Variants in CCP110 observed in about 807,000 individuals in gnomAD.
The protein encoded by CCP110 is centriolar coiled-coil protein of 110 kDa.
In CCP110, 43 loss-of-function variants were observed where a neutral mutation model predicts 105.5. The ratio of observed to expected loss-of-function variants is 0.41; its 90% CI spans 0.32 to 0.53. CCP110 has a LOEUF of 0.53. CCP110 is among the 20% of genes least tolerant of loss of function. CCP110 has a pLI of 0.32. For synonymous variants in CCP110, 353 were observed against 392.1 expected, an observed-to-expected ratio of 0.90 and a Z score of 1.18; for missense variants, 1,016 against 1,189.1, an observed-to-expected ratio of 0.85 and a Z score of 2.14.
At chr16:19,536,001 A>G (rs1253026018) in exon 4 of CCP110, 2 of 1,613,912 alleles carry the variant, frequency 1.2e-6, no homozygotes, top group African/African-American at 2.7e-5. Context: ...GTTTACTCTA[A>G]TTCAGAAGTC....
chr16:19,545,868 C>T (rs1275740399), exon 11 of CCP110: 2 of 1,604,704 alleles, frequency 1.2e-6, no homozygotes, highest in African/African-American at 1.3e-5. Flanking sequence ...ACAGAAGTCT[C>T]TTGATAGGAA....
chr16:19,533,007 T>A (rs999075904), intron 3 of CCP110, among the ~76,000 whole-genome samples: 4 of 152,256 alleles, frequency 2.6e-5, no homozygotes, highest in African/African-American at 9.6e-5. Context: ...TTTAGATGCA[T>A]CCTATGTCTA....
chr16:19,548,047 C>T lies in CCP110; in HGVS notation c.2900+33C>T, dbSNP rs1373861783. Reference sequence around the variant, plus strand: ...TGCCACACACGGGTATTGAAAACTACGGAAACCAAGATTAGATTTGAGAGG... The same window carrying T: ...TGCCACACACGGGTATTGAAAACTATGGAAACCAAGATTAGATTTGAGAGG... On this transcript the variant is annotated intron_variant, in intron 13 of 14. Transcript: ENST00000381396. This position sits in a 1 kb window ranked among gnomAD's most constrained non-coding sequence, Gnocchi z 4.1. The T allele has an allele frequency of 2.4e-5, 34 of 1,421,132 alleles. No homozygotes were observed. The highest frequency in any genetic ancestry group is 3.0e-5 in the Non-Finnish European group (30 of 1,007,426). The allele number at this position is 1,421,132 out of a possible 1,614,324, so 88.0% of individuals were successfully genotyped here.
exon 7 of CCP110, chr16:19,542,649 C>T (rs774226202): frequency 1.9e-6 from 3 of 1,612,426 alleles, no homozygotes; most frequent in East Asian, 4.5e-5. Flanking sequence ...TGCAATATAG[C>T]TTTGTTTCTG....
intron 10 of CCP110, among the ~76,000 whole-genome samples, chr16:19,545,595 C>T (rs1970432761): frequency 6.6e-6 from 1 of 151,988 alleles, no homozygotes; most frequent in Admixed American, 6.6e-5. Flanking sequence ...AATCAGTTAT[C>T]TTAGTGTGAT....
chr16:19,542,150 G>A, intron 6 of CCP110, 86 bp downstream of exon 6: 1 of 894,530 alleles, frequency 1.1e-6, no homozygotes, highest in Non-Finnish European at 1.7e-6. Flanking sequence ...TATATCTCCT[G>A]TTTTCAAATG....
chr16:19,551,177 G>T lies in CCP110; in HGVS notation c.2987-19G>T. Reference sequence around the variant, plus strand: ...AAACCTCCCATTGAGAAGTAATACTGGTTTTGCTCTATTTTTAGGAGTATA... The same window carrying T: ...AAACCTCCCATTGAGAAGTAATACTTGTTTTGCTCTATTTTTAGGAGTATA... On this transcript the variant is annotated intron_variant, in intron 14 of 14. Coordinates refer to ENST00000381396, the Ensembl canonical transcript of CCP110. 6.5e-7 allele frequency: 1 copy of T among 1,546,388 alleles called. No individual in the cohort carries two copies. Among genetic ancestry groups the T allele is most frequent in the South Asian group, 1.1e-5 (1 of 89,686 alleles).
chr16:19,538,923 C>A (rs1405277281), intron 4 of CCP110, among the ~76,000 whole-genome samples: 1 of 151,840 alleles, frequency 6.6e-6, no homozygotes, highest in Non-Finnish European at 1.5e-5. Flanking sequence ...ACCAAACTGA[C>A]AAACATGGCG....
chr16:19,531,315 G>A (rs966076463), intron 2 of CCP110, among the ~76,000 whole-genome samples: 1 of 152,132 alleles, frequency 6.6e-6, no homozygotes, highest in Non-Finnish European at 1.5e-5. Flanking sequence ...TATTTGATAG[G>A]TGAATATTGC....
chr16:19,527,088 G>A (rs1969698743), intron 1 of CCP110: 1 of 152,134 alleles, frequency 6.6e-6, no homozygotes, highest in Non-Finnish European at 1.5e-5. Context: ...CAATTTCCCA[G>A]AAACTGTGAA....
chr16:19,547,671 G>A (rs1033250788), intron 12 of CCP110: 15 of 251,246 alleles, frequency 6.0e-5, no homozygotes, highest in Non-Finnish European at 9.0e-5. Flanking sequence ...GTTAGCTTTT[G>A]TAAAGCATAT....
chr16:19,537,133 G>C (rs1307602098), exon 4 of CCP110: 4 of 1,614,094 alleles, frequency 2.5e-6, no homozygotes, highest in Non-Finnish European at 3.4e-6. Flanking sequence ...CATCCGATGA[G>C]AGAGGCGCAC....
intron 3 of CCP110, among the ~76,000 whole-genome samples, chr16:19,533,583 C>T (rs1969948959): frequency 6.6e-6 from 1 of 152,160 alleles, no homozygotes; most frequent in Admixed American, 6.5e-5. Flanking sequence ...GAGGAACAGT[C>T]AGTTATGCAT....
At chr16:19,527,213 T>G (rs1400328897) in intron 1 of CCP110, 2 of 152,158 alleles carry the variant, frequency 1.3e-5, no homozygotes, top group African/African-American at 4.8e-5. Context: ...AGTTGGCTGG[T>G]GCTCATGCAG....
intron 8 of CCP110, 121 bp from the exon 9 acceptor site, chr16:19,544,676 C>G: frequency 1.6e-6 from 1 of 633,054 alleles, no homozygotes; most frequent in South Asian, 2.0e-5. Context: ...TGGAACCAGT[C>G]CCCCACAGAT....
At chr16:19,527,443 T>A (rs1374985467) in intron 1 of CCP110, among the ~76,000 whole-genome samples, 1 of 152,214 alleles carries the variant, frequency 6.6e-6, no homozygotes, top group Non-Finnish European at 1.5e-5. Context: ...TTCTTTGATT[T>A]AAGTAGGCTT....
chr16:19,541,296 TATA>T (rs1443638069), intron 5 of CCP110, among the ~76,000 whole-genome samples: 4 of 151,242 alleles, frequency 2.6e-5, no homozygotes. Context: ...CGACACTTGT[TATA>T]ATATTATTAT....
chr16:19,546,541 G>C, intron 12 of CCP110, 67 bp downstream of exon 12: 1 of 919,558 alleles, frequency 1.1e-6, no homozygotes, highest in Admixed American at 2.0e-5. Context: ...AATTGGCTGG[G>C]CACGGTGGCT....
chr16:19,548,314 T>TC lies in CCP110; in HGVS notation c.2901-199dup. On this transcript the variant is annotated intron_variant, in intron 13 of 14. Transcript: ENST00000381396. This position sits in a 1 kb window ranked among gnomAD's most constrained non-coding sequence, Gnocchi z 4.1. ...AAATTCAGCATCACCGAAGTGATTCTCCAACAGAGTATGACTCGTGCTTAT... is the reference window on the plus strand; with the variant it reads ...AAATTCAGCATCACCGAAGTGATTCTCCCAACAGAGTATGACTCGTGCTTAT... 1.7e-6 allele frequency: 1 copy of TC among 582,002 alleles called. No individual in the cohort carries two copies. The highest frequency in any genetic ancestry group is 3.0e-6 in the Non-Finnish European group (1 of 330,950). 36.1% of individuals were successfully genotyped at this position (582,002 alleles called of 1,614,324 possible). A position where few individuals can be genotyped will look rare whatever the true frequency, so the allele number is the denominator to read the frequency against.
Sources: allele counts gnomAD v4.1 joint callset (sites outside exome capture counted in the v4.1 genomes callset), GRCh38; gene constraint gnomAD v4.1.1; non-coding constraint Gnocchi (gnomAD v3.1); transcripts MANE v1.5; gene names NCBI Gene and HGNC (gene_info 2026-07-23, HGNC 2026-07-21).